The following SPTA1 variants were observed in gnomAD, a reference collection of about 807,000 sequenced individuals.
The protein encoded by SPTA1 is spectrin alpha, erythrocytic 1, also known as spectrin alpha chain, erythrocytic 1.
In SPTA1, 177 loss-of-function variants were observed where a neutral mutation model predicts 324.7. The observed-to-expected ratio is 0.55, with a 90% CI of 0.48 to 0.62. The LOEUF (loss-of-function observed/expected upper bound fraction) is 0.62, where lower values mean the gene tolerates loss of function less well. Among genes scored for constraint, SPTA1 ranks in the 20% least tolerant of loss-of-function variants. The probability of loss-of-function intolerance (pLI) is 0.00; values close to 1 mark genes in which losing one functional copy is unlikely to be tolerated. For missense variants in SPTA1, 3,162 were observed against 2,883.6 expected, an observed-to-expected ratio of 1.10 and a Z score of -2.21; for synonymous variants, 1,195 against 1,041.3, an observed-to-expected ratio of 1.15 and a Z score of -2.84.
intron 14 of SPTA1, 82 bp downstream of exon 14, chr1:158,669,326 A>AAAG: frequency 4.4e-6 from 7 of 1,588,660 alleles, no homozygotes; most frequent in Non-Finnish European, 6.0e-6. Context: ...GCTGAACGCT[A>AAAG]AAGTTCATTT....
At chr1:158,658,410 G>A (rs1481899184) in intron 18 of SPTA1, among the ~76,000 whole-genome samples, 1 of 152,140 alleles carries the variant, frequency 6.6e-6, no homozygotes, top group Non-Finnish European at 1.5e-5. Flanking sequence ...ACATGTATAA[G>A]GAAATCCTGG....
chr1:158,671,369 A>G lies in SPTA1; in HGVS notation c.1573T>C (p.Phe525Leu), dbSNP rs886045391. 23 of 1,613,444 alleles carry G rather than the reference A, an allele frequency of 1.4e-5. No individual in the cohort carries two copies. Among genetic ancestry groups the G allele is most frequent in the Non-Finnish European group, 1.7e-5 (20 of 1,179,854 alleles). ...ATGATCTTCTCTTCCTGGGCAGTAA[A>G]GGCTTCCTCAAAGTCTTCATGCTTC... is the stretch of plus-strand genomic sequence containing the variant. Reference protein sequence around the residue: ...LQKHEDFEEAFTAQEEKIITV... With the variant: ...LQKHEDFEEALTAQEEKIITV... The change falls in exon 12 of 52, where the codon TTT (phenylalanine) becomes CTT (leucine). Residue 525 changes from phenylalanine (F) to leucine (L), a missense_variant. By Grantham distance (22) the Phe-to-Leu change is conservative. Coordinates refer to ENST00000643759, the MANE Select transcript of SPTA1 (RefSeq NM_003126.4).
chr1:158,671,378 C>T lies in SPTA1; in HGVS notation c.1564G>A (p.Glu522Lys), dbSNP rs1380455896. ...TCTTCCTGGGCAGTAAAGGCTTCCT[C>T]AAAGTCTTCATGCTTCTGAAGAAGG... is the stretch of plus-strand genomic sequence containing the variant. Reference protein sequence around the residue: ...EALLQKHEDFEEAFTAQEEKI... With the variant: ...EALLQKHEDFKEAFTAQEEKI... Residue 522 changes from glutamate (E) to lysine (K), a missense_variant, in exon 12 of 52, where the codon GAG becomes AAG. Transcript: ENST00000643759. 3.1e-6 allele frequency: 5 copies of T among 1,613,560 alleles called. No individual in the cohort carries two copies. Among genetic ancestry groups the T allele is most frequent in the Non-Finnish European group, 4.2e-6 (5 of 1,179,896 alleles).
Position 158,619,207 on chromosome 1 carries a change from T to A in SPTA1, c.6530+15A>T, listed in dbSNP as rs78561085. 1.6e-3 allele frequency: 2,641 copies of A among 1,611,520 alleles called. 37 individuals carry two copies. In the African/African-American group the frequency reaches 0.031, roughly 19 times the overall value. On this transcript the variant is annotated intron_variant, in intron 45 of 51. Coordinates refer to ENST00000643759, the MANE Select transcript of SPTA1 (RefSeq NM_003126.4). ...GTGGCACAGGGGTCATGGTTTGGGA[T>A]GTAGCATAGCACACCTGGTTTCCAG...
rs75565504 is a variant in SPTA1 at position 158,671,312 on chromosome 1, G to A, written c.1599+31C>T. 1.0e-4 allele frequency: 159 copies of A among 1,529,594 alleles called. 1 individual carries two copies. The East Asian group carries it at 3.5e-3, about 34-fold the overall frequency. The allele number at this position is 1,529,594 out of a possible 1,614,324, so 94.8% of individuals were successfully genotyped here. ...GTAAAATTATGTATACAGAGAGGGAGCCAATGCCCAAACTAGGGCCAATTT... is the reference window on the plus strand; with the variant it reads ...GTAAAATTATGTATACAGAGAGGGAACCAATGCCCAAACTAGGGCCAATTT... On this transcript the variant is annotated intron_variant, in intron 12 of 51. Transcript: ENST00000643759.
At chr1:158,670,704 G>C (rs1255392120) in intron 12 of SPTA1, among the ~76,000 whole-genome samples, 2 of 151,950 alleles carry the variant, frequency 1.3e-5, no homozygotes, top group Non-Finnish European at 2.9e-5. Flanking sequence ...CAGCTTTCTG[G>C]GACATTGTAA....
chr1:158,611,777 A>G, intron 51 of SPTA1: 1 of 220,808 alleles, frequency 4.5e-6, no homozygotes, highest in East Asian at 1.3e-4. Context: ...AGAAGGTAGA[A>G]TAACTCACCA....
At chr1:158,634,101 A>G (rs1650882920) in intron 39 of SPTA1, among the ~76,000 whole-genome samples, 1 of 152,244 alleles carries the variant, frequency 6.6e-6, no homozygotes, top group Non-Finnish European at 1.5e-5. Flanking sequence ...TAAATTGTGG[A>G]ACTATTTTGT....
intron 38 of SPTA1, among the ~76,000 whole-genome samples, chr1:158,635,486 A>G (rs2101804872): frequency 6.6e-6 from 1 of 152,250 alleles, no homozygotes; most frequent in South Asian, 2.1e-4. Context: ...TCTTTATATC[A>G]ATGTGAGAAC....
intron 21 of SPTA1, among the ~76,000 whole-genome samples, 167 bp downstream of exon 21, chr1:158,654,444 C>A (rs182433080): frequency 1.3e-5 from 2 of 152,126 alleles, no homozygotes; most frequent in African/African-American, 4.8e-5. Context: ...TGTGTAGGAT[C>A]CTGCAAAATA....
chr1:158,620,119 G>A (rs1301943374), intron 44 of SPTA1, 51 bp downstream of exon 44: 2 of 1,600,874 alleles, frequency 1.2e-6, no homozygotes. Flanking sequence ...GGATAATAAA[G>A]TGGTTATGTT....
intron 21 of SPTA1, 53 bp downstream of exon 21, chr1:158,654,558 A>T: frequency 1.2e-6 from 2 of 1,612,414 alleles, no homozygotes; most frequent in Non-Finnish European, 1.7e-6. Flanking sequence ...GGATTGGGAG[A>T]GATGGTTCTG....
At chr1:158,634,449 A>C (rs1650909265) in intron 39 of SPTA1, 94 bp downstream of exon 39, 3 of 1,537,404 alleles carry the variant, frequency 2.0e-6, no homozygotes, top group Non-Finnish European at 1.8e-6. Context: ...TTTCACCAGA[A>C]AAATGTCCTA....
rs996649389 is a variant in SPTA1 at position 158,661,373 on chromosome 1, C to T, written c.2501G>A (p.Arg834Lys). Residue 834 changes from arginine (R) to lysine (K), a missense_variant, in exon 18 of 52, where the codon AGG (arginine) becomes AAG (lysine). Physicochemically the swap from Arg to Lys is conservative, Grantham distance 26 (BLOSUM62 2). Coordinates refer to ENST00000643759, the MANE Select transcript of SPTA1 (RefSeq NM_003126.4). ...AATGTTCTCCAGGATGACTCTATGC[C>T]TATTCAGAAGCTTTTTGGAAGCAAT... Reference protein sequence around the residue: ...DLIASKKLLNRHRVILENIAS... With the variant: ...DLIASKKLLNKHRVILENIAS... 1.2e-6 allele frequency: 2 copies of T among 1,613,814 alleles called. No individual in the cohort carries two copies. The highest frequency in any genetic ancestry group is 3.3e-5 in the Admixed American group (2 of 59,992).
At chr1:158,653,695 T>A in intron 21 of SPTA1, among the ~76,000 whole-genome samples, 1 of 152,192 alleles carries the variant, frequency 6.6e-6, no homozygotes, top group East Asian at 1.9e-4. Context: ...GCTCTTTTAA[T>A]GATGGGGCAC....
At chr1:158,638,766 A>AAAT (rs1651297981) in intron 35 of SPTA1, among the ~76,000 whole-genome samples, 1 of 150,420 alleles carries the variant, frequency 6.6e-6, no homozygotes, top group Non-Finnish European at 1.5e-5. Context: ...AAAAAAAAAA[A>AAAT]GGAAAATCTT....
intron 35 of SPTA1, among the ~76,000 whole-genome samples, chr1:158,638,745 C>CA (rs34072412): frequency 0.28 from 25,922 of 92,020 alleles, 3,467 homozygotes; most frequent in East Asian, 0.49. Context: ...GAGCTGGTAC[C>CA]AAAAAAAAAA....
intron 43 of SPTA1, among the ~76,000 whole-genome samples, chr1:158,621,325 C>T (rs1445731943): frequency 6.6e-6 from 1 of 152,044 alleles, no homozygotes; most frequent in East Asian, 1.9e-4. Context: ...TTCCCAAATA[C>T]AAGAATTAAA....
At position 158,645,588 on chromosome 1, in the gene SPTA1, C is replaced by T. The variant is rs748801394; in HGVS notation, c.3903G>A (p.Leu1301=). 2.2e-5 allele frequency: 36 copies of T among 1,613,838 alleles called. No individual in the cohort carries two copies. The highest frequency in any genetic ancestry group is 3.0e-5 in the Non-Finnish European group (35 of 1,179,894). ...FYLFLSKARD[L]QNWISSIGGM... is the part of the protein sequence containing the mutation. ...CACCAATGCTACTGATCCAGTTCTG[C>T]AGATCCCTAGATAAACAGACACATT... The change falls in exon 28 of 52, where the codon CTG becomes CTA. Residue 1301 remains leucine, a synonymous_variant. Transcript: ENST00000643759.
Sources: allele counts gnomAD v4.1 joint callset (sites outside exome capture counted in the v4.1 genomes callset), GRCh38; gene constraint gnomAD v4.1.1; transcripts MANE v1.5; gene names NCBI Gene and HGNC (gene_info 2026-07-23, HGNC 2026-07-21).